Variants in ABCA13 observed in about 807,000 individuals in gnomAD.
ABCA13 encodes ATP-binding cassette sub-family A member 13.
A neutral mutation model predicts 478.7 loss-of-function variants in ABCA13; 476 were observed. The observed-to-expected ratio is 0.99, with a 90% CI of 0.92 to 1.07. The LOEUF is 1.07. Among genes scored for constraint, ABCA13 ranks in the 50% least tolerant of loss-of-function variants. ABCA13 has a pLI of 0.00. For missense variants in ABCA13, 6,060 were observed against 5,910.6 expected (o/e 1.03, Z -0.83); for synonymous variants, 2,252 against 2,158.9 (o/e 1.04, Z -1.20).
chr7:48,184,001 A>C (rs1796040868), intron 1 of ABCA13, among the ~76,000 whole-genome samples: 1 of 152,218 alleles, frequency 6.6e-6, no homozygotes, highest in African/African-American at 2.4e-5. Flanking sequence ...TCAATTTACT[A>C]CATAGTTATT....
intron 52 of ABCA13, among the ~76,000 whole-genome samples, chr7:48,517,611 G>T (rs925856849): frequency 2.0e-5 from 3 of 152,042 alleles, no homozygotes; most frequent in Non-Finnish European, 4.4e-5. Flanking sequence ...GGCCTGCCTG[G>T]GTGTTTGCCT....
At chr7:48,310,198 G>A in intron 24 of ABCA13, 57 bp downstream of exon 24, 2 of 1,545,758 alleles carry the variant, frequency 1.3e-6, no homozygotes, top group Non-Finnish European at 1.8e-6. Flanking sequence ...TGTGGTGGCT[G>A]CAGATAAGTA....
At chr7:48,489,416 A>T (rs888059519) in intron 48 of ABCA13, 72 bp downstream of exon 48, 7 of 1,337,426 alleles carry the variant, frequency 5.2e-6, no homozygotes, top group African/African-American at 4.4e-5. Flanking sequence ...AAAGAAACAG[A>T]AAAGTTTCTG....
intron 23 of ABCA13, among the ~76,000 whole-genome samples, chr7:48,299,765 G>A (rs1215723434): frequency 6.6e-6 from 1 of 152,128 alleles, no homozygotes; most frequent in Non-Finnish European, 1.5e-5. Flanking sequence ...GAAACAAGTG[G>A]CCACTGGGTG....
chr7:48,432,876 A>G (rs1822330505), intron 42 of ABCA13, among the ~76,000 whole-genome samples: 1 of 152,044 alleles, frequency 6.6e-6, no homozygotes, highest in Non-Finnish European at 1.5e-5. Context: ...ATATAGGAGA[A>G]ATAAGTTCAA....
chr7:48,327,233 T>G (rs779526953), intron 27 of ABCA13, among the ~76,000 whole-genome samples: 5 of 152,154 alleles, frequency 3.3e-5, no homozygotes, highest in Non-Finnish European at 5.9e-5. Context: ...TATTGGAAGG[T>G]ACCTTTTCAC....
At chr7:48,422,589 T>C (rs896437413) in intron 41 of ABCA13, among the ~76,000 whole-genome samples, 1 of 152,232 alleles carries the variant, frequency 6.6e-6, no homozygotes, top group Admixed American at 6.5e-5. Context: ...TTTTCTACTC[T>C]ACTTACCAAC....
intron 39 of ABCA13, 92 bp downstream of exon 39, chr7:48,403,971 C>T: frequency 7.0e-7 from 1 of 1,428,264 alleles, no homozygotes; most frequent in Non-Finnish European, 9.6e-7. Context: ...AGTTGTATCC[C>T]AGTGAGGCTA....
chr7:48,206,400 C>T (rs949737126), intron 3 of ABCA13, among the ~76,000 whole-genome samples: 18 of 152,172 alleles, frequency 1.2e-4, no homozygotes, highest in Admixed American at 8.5e-4. Flanking sequence ...GGCTACACCA[C>T]ATGGCTAGGT....
chr7:48,464,833 A>C (rs1241742117), intron 43 of ABCA13, among the ~76,000 whole-genome samples: 1 of 152,184 alleles, frequency 6.6e-6, no homozygotes, highest in Admixed American at 6.5e-5. Flanking sequence ...AATGAGAACA[A>C]GGGTAAGCCT....
At chr7:48,329,318 C>T (rs972226422) in intron 27 of ABCA13, among the ~76,000 whole-genome samples, 2 of 152,040 alleles carry the variant, frequency 1.3e-5, no homozygotes, top group Non-Finnish European at 2.9e-5. Flanking sequence ...TGGTACAGTG[C>T]GAAAAGTGTA....
chr7:48,275,109 G>T lies in ABCA13; in HGVS notation c.5443G>T (p.Ala1815Ser). Residue 1815 changes from alanine (A) to serine (S), a missense_variant, in exon 17 of 62, where the codon GCT becomes TCT. Transcript: ENST00000435803. Reference protein sequence around the residue: ...VSDKPDIISEALACFPVVWCW... With the variant: ...VSDKPDIISESLACFPVVWCW... Reference sequence around the variant, plus strand: ...AGATAAGCCAGATATTATTTCAGAGGCTTTAGCTTGTTTTCCTGTGGTTTG... The same window carrying T: ...AGATAAGCCAGATATTATTTCAGAGTCTTTAGCTTGTTTTCCTGTGGTTTG... 1.2e-6 allele frequency: 2 copies of T among 1,613,412 alleles called. No individual in the cohort carries two copies. Among genetic ancestry groups the T allele is most frequent in the Non-Finnish European group, 1.7e-6 (2 of 1,179,636 alleles).
chr7:48,243,709 A>T (rs936113008), intron 10 of ABCA13, among the ~76,000 whole-genome samples: 1 of 152,260 alleles, frequency 6.6e-6, no homozygotes. Context: ...TCAAGATGCC[A>T]TGAAGAGACT....
chr7:48,463,585 G>A (rs1826510984), intron 43 of ABCA13, among the ~76,000 whole-genome samples: 1 of 152,076 alleles, frequency 6.6e-6, no homozygotes, highest in Non-Finnish European at 1.5e-5. Flanking sequence ...TTCATATGTG[G>A]CCTGGCCTGT....
chr7:48,640,891 A>T (rs1795057046), intron 59 of ABCA13, among the ~76,000 whole-genome samples: 1 of 152,114 alleles, frequency 6.6e-6, no homozygotes. Context: ...ATCCTGAGTA[A>T]CCTATTTCAA....
intron 58 of ABCA13, among the ~76,000 whole-genome samples, chr7:48,607,029 C>T (rs946014029): frequency 6.6e-6 from 1 of 152,200 alleles, no homozygotes; most frequent in Non-Finnish European, 1.5e-5. Flanking sequence ...GTACTGAAGC[C>T]TCAGCAAGGA....
chr7:48,534,094 T>A (rs1430726630), intron 55 of ABCA13, among the ~76,000 whole-genome samples: 1 of 152,168 alleles, frequency 6.6e-6, no homozygotes, highest in Non-Finnish European at 1.5e-5. Flanking sequence ...TTAAAGAGGT[T>A]CTATTTTGGT....
At chr7:48,599,753 A>C (rs1032389663) in intron 58 of ABCA13, among the ~76,000 whole-genome samples, 2 of 152,140 alleles carry the variant, frequency 1.3e-5, no homozygotes, top group Non-Finnish European at 2.9e-5. Context: ...TATTCCAATA[A>C]AATTTTATTT....
intron 42 of ABCA13, among the ~76,000 whole-genome samples, chr7:48,429,912 T>A (rs1221723933): frequency 6.6e-6 from 1 of 152,216 alleles, no homozygotes; most frequent in Non-Finnish European, 1.5e-5. Context: ...TTCTACCCGG[T>A]CATGTCATAT....
Sources: allele counts gnomAD v4.1 joint callset (sites outside exome capture counted in the v4.1 genomes callset), GRCh38; gene constraint gnomAD v4.1.1; transcripts MANE v1.5; gene names NCBI Gene and HGNC (gene_info 2026-07-23, HGNC 2026-07-21).